The following RAPGEF5 variants were observed in gnomAD, a reference collection of about 807,000 sequenced individuals.
RAPGEF5 encodes the protein M-Ras-regulated GEF.
In RAPGEF5, 65 loss-of-function variants were observed where a neutral mutation model predicts 125.2. The observed-to-expected ratio is 0.52, with a 90% confidence interval of 0.43 to 0.64. The LOEUF (loss-of-function observed/expected upper bound fraction) is 0.64. Among genes scored for constraint, RAPGEF5 ranks in the 30% least tolerant of loss-of-function variants. The pLI, the probability that RAPGEF5 is intolerant of heterozygous loss-of-function variation, is 0.00. For synonymous variants in RAPGEF5, 391 were observed against 385.9 expected (o/e 1.01, Z -0.16); for missense variants, 958 against 1,048.1 (o/e 0.91, Z 1.19).
intron 17 of RAPGEF5, among the ~76,000 whole-genome samples, 161 bp from the exon 18 acceptor site, chr7:22,150,665 A>T (rs1358393668): frequency 6.6e-6 from 1 of 152,218 alleles, no homozygotes; most frequent in East Asian, 1.9e-4. Flanking sequence ...CACTCTATAC[A>T]ATGATACCAG....
chr7:22,352,899 G>A (rs1445455877), intron 1 of RAPGEF5, among the ~76,000 whole-genome samples: 3 of 152,144 alleles, frequency 2.0e-5, no homozygotes, highest in Non-Finnish European at 4.4e-5. Flanking sequence ...AAGGATCTAG[G>A]CTACAACGAT....
Position 22,120,861 on chromosome 7 carries a change from G to A in RAPGEF5, c.*1545C>T, listed in dbSNP as rs531178005. ...GTTCCTGAGCCCAGGAAACAGCACTGCTATAAAGATGTCAAAAAGCATTGG... is the reference window on the plus strand; with the variant it reads ...GTTCCTGAGCCCAGGAAACAGCACTACTATAAAGATGTCAAAAAGCATTGG... On this transcript the variant is annotated 3_prime_UTR_variant, in exon 26 of 26. Coordinates refer to ENST00000665637, the MANE Select transcript of RAPGEF5 (RefSeq NM_012294.5). This position sits in a 1 kb window ranked among gnomAD's most constrained non-coding sequence, Gnocchi z 4.0. 1.3e-5 allele frequency: 2 copies of A among 152,176 alleles called. No homozygotes were observed. The highest frequency in any genetic ancestry group is 2.9e-5 in the Non-Finnish European group (2 of 68,044). The allele number at this position is 152,176 out of a possible 1,614,324, so 9.4% of individuals were successfully genotyped here.
At chr7:22,136,880 T>C (rs1342217065) in intron 22 of RAPGEF5, 53 bp downstream of exon 22, 7 of 1,429,450 alleles carry the variant, frequency 4.9e-6, no homozygotes, top group Non-Finnish European at 3.9e-6. Context: ...AGAAAGAAAC[T>C]AGACCCTAGC....
At chr7:22,127,596 T>C (rs1374984924) in intron 24 of RAPGEF5, among the ~76,000 whole-genome samples, 1 of 152,240 alleles carries the variant, frequency 6.6e-6, no homozygotes, top group Non-Finnish European at 1.5e-5. Context: ...CTCTTGAGAA[T>C]CAACAGTAGC....
rs1283439878 is a variant in RAPGEF5 at position 22,140,103 on chromosome 7, C to T, written c.2199G>A (p.Gln733=). The T allele has an allele frequency of 6.4e-7, 1 of 1,558,154 alleles. No homozygotes were observed. Among genetic ancestry groups the T allele is most frequent in the African/African-American group, 1.4e-5 (1 of 73,436 alleles). ...FIKIAAHCKA[Q]RNLNSFFAIV... Reference sequence around the variant, plus strand: ...TGGCAAAGAAAGAATTCAGGTTTCTCTGGGCTTTGCAGCTATAAAATAAAA... The same window carrying T: ...TGGCAAAGAAAGAATTCAGGTTTCTTTGGGCTTTGCAGCTATAAAATAAAA... Residue 733 remains glutamine (Q), a synonymous_variant, in exon 21 of 26, where the codon CAG becomes CAA. Transcript: ENST00000665637.
At chr7:22,308,903 G>A in intron 4 of RAPGEF5, among the ~76,000 whole-genome samples, 1 of 152,086 alleles carries the variant, frequency 6.6e-6, no homozygotes, top group East Asian at 1.9e-4. Context: ...CTCAACTTAG[G>A]GTGACTGTGC....
intron 25 of RAPGEF5, among the ~76,000 whole-genome samples, chr7:22,124,252 G>T (rs74820481): frequency 0.057 from 8,724 of 152,194 alleles, 516 homozygotes; most frequent in African/African-American, 0.15. Context: ...TGAATCCCCA[G>T]TAAACACTTG....
chr7:22,226,873 T>C (rs1583497228), intron 8 of RAPGEF5, among the ~76,000 whole-genome samples: 1 of 152,198 alleles, frequency 6.6e-6, no homozygotes, highest in African/African-American at 2.4e-5. Flanking sequence ...TGTGTAATGC[T>C]GCATCCTGCC....
rs112295683 is a variant in RAPGEF5 at position 22,244,118 on chromosome 7, G to A, written c.797-13199C>T. The stretch of plus-strand genomic sequence containing the variant: ...CAAGTTTATCCATGTTGTTGCAAAT[G>A]ACATTATTTCCTTCTTTTTCAAGAC... On this transcript the variant is annotated intron_variant, in intron 7 of 25. Coordinates refer to ENST00000665637, the MANE Select transcript of RAPGEF5 (RefSeq NM_012294.5). Among the ~76,000 whole-genome samples the A allele has an allele frequency of 4.9e-3, 746 of 152,138 alleles. 10 individuals carry two copies. Among genetic ancestry groups the A allele is most frequent in the South Asian group, 0.027 (128 of 4,806 alleles).
At chr7:22,343,083 A>C (rs1315057994) in intron 1 of RAPGEF5, among the ~76,000 whole-genome samples, 2 of 152,250 alleles carry the variant, frequency 1.3e-5, no homozygotes, top group Non-Finnish European at 2.9e-5. Context: ...AAGAGGTTTA[A>C]TGGACTTACA....
chr7:22,222,702 G>A (rs1785821781), intron 8 of RAPGEF5, among the ~76,000 whole-genome samples: 5 of 152,128 alleles, frequency 3.3e-5, no homozygotes, highest in Admixed American at 3.3e-4. Context: ...GAAATCCTTT[G>A]GAAGGTTTTG....
chr7:22,168,879 T>C (rs1225180139), intron 11 of RAPGEF5, among the ~76,000 whole-genome samples: 1 of 152,242 alleles, frequency 6.6e-6, no homozygotes, highest in East Asian at 1.9e-4. Context: ...AGGGTGTTAA[T>C]GAAGAGTATT....
chr7:22,156,963 G>A (rs1410058178), intron 15 of RAPGEF5, 75 bp from the exon 16 acceptor site: 1 of 1,566,086 alleles, frequency 6.4e-7, no homozygotes, highest in African/African-American at 1.4e-5. Flanking sequence ...TTTACAATAT[G>A]TTCCAAAAGA....
chr7:22,355,905 A>G (rs1784412085), intron 1 of RAPGEF5: 4 of 959,190 alleles, frequency 4.2e-6, no homozygotes, highest in African/African-American at 3.5e-5. Context: ...AACGGGAAAG[A>G]AAAACCACAT....
intron 1 of RAPGEF5, among the ~76,000 whole-genome samples, chr7:22,334,622 A>G (rs553286858): frequency 6.6e-6 from 1 of 152,358 alleles, no homozygotes; most frequent in African/African-American, 2.4e-5. Context: ...ATATGTATAC[A>G]TATAAGATCA....
chr7:22,274,043 A>G (rs972376416), intron 6 of RAPGEF5, among the ~76,000 whole-genome samples: 11 of 152,150 alleles, frequency 7.2e-5, no homozygotes, highest in African/African-American at 2.4e-4. Flanking sequence ...TTTCTTAACC[A>G]TTGGGATTCC....
Position 22,119,334 on chromosome 7 carries a change from G to C in RAPGEF5, c.*3072C>G, listed in dbSNP as rs1160279162. ...ATTCGGTGTATGCTCCACACTACCT[G>C]TTTGTGGTTCTCGGTCTAGGGAAAT... On this transcript the variant is annotated 3_prime_UTR_variant, in exon 26 of 26. Transcript: ENST00000665637. The surrounding 1 kb of genome is among the most constrained non-coding windows in gnomAD (Gnocchi z 4.1). 1.3e-5 allele frequency: 2 copies of C among 152,104 alleles called. No individual in the cohort carries two copies. The highest frequency in any genetic ancestry group is 2.4e-5 in the African/African-American group (1 of 41,390). The allele number at this position is 152,104 out of a possible 1,614,324, so 9.4% of individuals were successfully genotyped here.
chr7:22,141,676 A>C (rs894572515), intron 20 of RAPGEF5, among the ~76,000 whole-genome samples: 1 of 152,172 alleles, frequency 6.6e-6, no homozygotes, highest in African/African-American at 2.4e-5. Flanking sequence ...TGGGGTGGAC[A>C]CACATCTTGC....
At chr7:22,205,770 T>C (rs1785382918) in intron 9 of RAPGEF5, among the ~76,000 whole-genome samples, 1 of 152,242 alleles carries the variant, frequency 6.6e-6, no homozygotes, top group South Asian at 2.1e-4. Flanking sequence ...CAGGACATTC[T>C]GATCTCAGAG....
Sources: allele counts gnomAD v4.1 joint callset (sites outside exome capture counted in the v4.1 genomes callset), GRCh38; gene constraint gnomAD v4.1.1; non-coding constraint Gnocchi (gnomAD v3.1); transcripts MANE v1.5; gene names NCBI Gene and HGNC (gene_info 2026-07-23, HGNC 2026-07-21).